The following TUBGCP3 variants were observed in gnomAD, a reference collection of about 807,000 sequenced individuals.
TUBGCP3 encodes tubulin gamma complex component 3.
A neutral mutation model predicts 123.1 loss-of-function variants in TUBGCP3; 50 were observed. The ratio of observed to expected loss-of-function variants is 0.41; its 90% CI spans 0.32 to 0.51. The LOEUF (loss-of-function observed/expected upper bound fraction) is 0.51, where lower values mean the gene tolerates loss of function less well. TUBGCP3 is among the 20% of genes least tolerant of loss of function. The pLI is 0.36. For synonymous variants in TUBGCP3, 405 were observed against 413.9 expected, an observed-to-expected ratio of 0.98 and a Z score of 0.26; for missense variants, 882 against 1,127.0, an observed-to-expected ratio of 0.78 and a Z score of 3.11.
At position 112,556,193 on chromosome 13, in the gene TUBGCP3, A is replaced by T; in HGVS notation, c.580T>A (p.Cys194Ser). 6.2e-7 allele frequency: 1 copy of T among 1,614,124 alleles called. No homozygotes were observed. ...QSNQAPGVGD[C>S]LRQQLGSRLA... ...CGTGACCCCAACTGCTGTCGAAGGC[A>T]ATCTCCTACTCCTGGAGCTTGATTA... Residue 194 changes from cysteine to serine, a missense_variant, in exon 6 of 22, where the codon TGC (cysteine) becomes AGC (serine). By Grantham distance (112) the Cys-to-Ser change is moderately radical. This residue lies in a region of TUBGCP3 where 713 missense variants were observed against 874.0 expected (regional missense o/e 0.82). Coordinates refer to ENST00000261965, the MANE Select transcript of TUBGCP3 (RefSeq NM_006322.6).
At chr13:112,523,098 C>T (rs935965828) in intron 13 of TUBGCP3, among the ~76,000 whole-genome samples, 2 of 152,208 alleles carry the variant, frequency 1.3e-5, no homozygotes, top group Non-Finnish European at 2.9e-5. Flanking sequence ...GGAGACTATA[C>T]ACATAACAGA....
chr13:112,549,511 T>G (rs1010154355), intron 8 of TUBGCP3, among the ~76,000 whole-genome samples: 9 of 152,208 alleles, frequency 5.9e-5, no homozygotes, highest in African/African-American at 2.2e-4. Context: ...ATTAATTAAT[T>G]AAAAAAGATT....
chr13:112,504,591 T>A (rs1227066159), intron 18 of TUBGCP3, 35 bp downstream of exon 18: 1 of 1,567,104 alleles, frequency 6.4e-7, no homozygotes, highest in Non-Finnish European at 8.8e-7. Context: ...ACATGACTTA[T>A]TTAAACTAAA....
chr13:112,578,558 C>CAAAAAAAAAAAAA (rs71131496), intron 1 of TUBGCP3, among the ~76,000 whole-genome samples: 57 of 24,914 alleles, frequency 2.3e-3, no homozygotes, highest in African/African-American at 4.9e-3. Flanking sequence ...GACTCCGTCT[C>CAAAAAAAAAAAAA]AAAAAAAAAA....
intron 20 of TUBGCP3, among the ~76,000 whole-genome samples, chr13:112,490,801 C>T (rs528527993): frequency 1.3e-5 from 2 of 152,202 alleles, no homozygotes; most frequent in African/African-American, 2.4e-5. Context: ...GAGCACAAAG[C>T]TGACCATCGG....
chr13:112,489,943 CA>C (rs1160526416), intron 20 of TUBGCP3: 23 of 531,606 alleles, frequency 4.3e-5, no homozygotes, highest in Non-Finnish European at 7.7e-5. Context: ...TTTTTAATAT[CA>C]CATTGTATAA....
intron 20 of TUBGCP3, among the ~76,000 whole-genome samples, chr13:112,494,391 A>G (rs1362512855): frequency 1.3e-5 from 2 of 152,194 alleles, no homozygotes; most frequent in Non-Finnish European, 2.9e-5. Context: ...TATGCCTTTA[A>G]AATTTTAACA....
chr13:112,554,257 CT>C (rs1347264405), intron 7 of TUBGCP3, 75 bp from the exon 8 acceptor site: 1 of 1,536,988 alleles, frequency 6.5e-7, no homozygotes, highest in East Asian at 2.3e-5. Context: ...TTCTCAAGCA[CT>C]TCTACTTTTA....
chr13:112,504,549 T>C lies in TUBGCP3; in HGVS notation c.2175+77A>G, dbSNP rs763888305. The C allele has an allele frequency of 1.6e-3, 363 of 230,218 alleles. No individual in the cohort carries two copies. Among genetic ancestry groups the C allele is most frequent in the East Asian group, 0.015 (71 of 4,814 alleles). 14.3% of individuals were successfully genotyped at this position (230,218 alleles called of 1,614,324 possible). On this transcript the variant is annotated intron_variant, in intron 18 of 21. Coordinates refer to ENST00000261965, the MANE Select transcript of TUBGCP3 (RefSeq NM_006322.6). ...ATATATATACACACATACATACACA[T>C]ATATATATATATATACCATGTAAAA...
chr13:112,602,841 T>C, the TUBGCP3 span: 2 of 151,932 alleles, frequency 1.3e-5, no homozygotes, highest in Non-Finnish European at 2.9e-5. Flanking sequence ...TTTTACACAT[T>C]AACGGTTTTA....
the TUBGCP3 span, among the ~76,000 whole-genome samples, chr13:112,600,508 C>A: frequency 6.6e-6 from 1 of 152,150 alleles, no homozygotes. Flanking sequence ...AAACTCCTAT[C>A]TTTCAGGAAA....
chr13:112,549,036 G>A (rs1409889491), intron 8 of TUBGCP3, among the ~76,000 whole-genome samples: 1 of 152,220 alleles, frequency 6.6e-6, no homozygotes, highest in Non-Finnish European at 1.5e-5. Context: ...ACATGCACAC[G>A]TATGTTTACT....
At chr13:112,507,252 A>G (rs1044381280) in intron 17 of TUBGCP3, among the ~76,000 whole-genome samples, 2 of 152,192 alleles carry the variant, frequency 1.3e-5, no homozygotes, top group Non-Finnish European at 2.9e-5. Flanking sequence ...CGATGTCTCC[A>G]TCGACCCTTC....
chr13:112,598,935 G>C, the TUBGCP3 span, among the ~76,000 whole-genome samples: 2 of 129,810 alleles, frequency 1.5e-5, no homozygotes, highest in Non-Finnish European at 3.1e-5. Flanking sequence ...GACAGAGCGA[G>C]ACTCCGTCTC....
rs111845501 is a variant in TUBGCP3, at chr13:112,547,583, G to A, written c.1168+37C>T. 1,146 of 1,444,686 alleles carry A rather than the reference G, an allele frequency of 7.9e-4. 15 individuals are homozygous for A. In the African/African-American group the frequency reaches 0.014, roughly 18 times the overall value. 89.5% of individuals were successfully genotyped at this position (1,444,686 alleles called of 1,614,324 possible). A position where few individuals can be genotyped will look rare whatever the true frequency, so the allele number is the denominator to read the frequency against. ...AAAGTCGCGCGTGGGAAAGTCGCGC[G>A]TGGGAAAGACGTGCGTGGGAAAGAC... On this transcript the variant is annotated intron_variant, in intron 10 of 21. Transcript: ENST00000261965.
intron 11 of TUBGCP3, among the ~76,000 whole-genome samples, chr13:112,535,496 G>T (rs1250655863): frequency 6.6e-6 from 1 of 152,176 alleles, no homozygotes; most frequent in Non-Finnish European, 1.5e-5. Flanking sequence ...AAACCTAATG[G>T]CTGTGAAGTG....
intron 17 of TUBGCP3, among the ~76,000 whole-genome samples, chr13:112,513,829 C>A (rs928526462): frequency 2.6e-5 from 4 of 152,228 alleles, no homozygotes; most frequent in Admixed American, 6.5e-5. Flanking sequence ...TCTCTTTATG[C>A]TGTTTGTCAC....
chr13:112,499,224 C>T (rs377199493), intron 19 of TUBGCP3, 39 bp from the exon 20 acceptor site: 2 of 1,555,266 alleles, frequency 1.3e-6, no homozygotes, highest in South Asian at 1.2e-5. Context: ...AGAGCCTCAA[C>T]CAGCTAAGTT....
chr13:112,503,960 C>T (rs1881102431), intron 19 of TUBGCP3, 72 bp downstream of exon 19: 3 of 1,518,094 alleles, frequency 2.0e-6, no homozygotes, highest in Non-Finnish European at 2.7e-6. Context: ...TAAGATTCCC[C>T]CATTTGACAG....
Sources: gnomAD v4.1 joint callset for allele counts (sites outside exome capture counted in the v4.1 genomes callset) on GRCh38, gnomAD v4.1.1 for gene constraint, gnomAD v4.1.1 regional missense constraint, MANE v1.5 for transcripts, NCBI Gene and HGNC (gene_info 2026-07-23, HGNC 2026-07-21) for gene names.